The following PCSK1 variants were observed in gnomAD, a reference collection of about 807,000 sequenced individuals.
The protein encoded by PCSK1 is neuroendocrine convertase 1.
PCSK1 carries 56 observed loss-of-function variants against 90.6 expected under a neutral mutation model. The ratio of observed to expected loss-of-function variants is 0.62; its 90% CI spans 0.50 to 0.77. The LOEUF is 0.77. Ranked by LOEUF, PCSK1 falls within the 30% of genes least tolerant of loss-of-function variation. PCSK1 has a pLI of 0.00. For missense variants in PCSK1, 801 were observed against 932.6 expected (o/e 0.86, Z 1.84); for synonymous variants, 348 against 342.4 (o/e 1.02, Z -0.18).
chr5:96,425,064 GAAA>G (rs1561376518), intron 3 of PCSK1, among the ~76,000 whole-genome samples: 28 of 137,664 alleles, frequency 2.0e-4, no homozygotes, highest in Admixed American at 1.1e-3. Flanking sequence ...AAGAAAGAAA[GAAA>G]GAAAGAAAAC....
intron 3 of PCSK1, among the ~76,000 whole-genome samples, chr5:96,424,163 G>T (rs1296292658): frequency 6.6e-6 from 1 of 152,182 alleles, no homozygotes; most frequent in Non-Finnish European, 1.5e-5. Flanking sequence ...GTAAAAGAAT[G>T]CCAGGTACCC....
chr5:96,398,428 T>C (rs1257376238), intron 11 of PCSK1, among the ~76,000 whole-genome samples: 1 of 152,238 alleles, frequency 6.6e-6, no homozygotes, highest in Non-Finnish European at 1.5e-5. Context: ...AAAATGGCCT[T>C]ATTCATGTTA....
At position 96,391,027 on chromosome 5, in the gene PCSK1, C is replaced by T. The variant is rs1759919638; in HGVS notation, c.*1974G>A. 6.6e-6 allele frequency: 1 copy of T among 152,474 alleles called. No individual in the cohort carries two copies. Among genetic ancestry groups the T allele is most frequent in the Admixed American group, 6.5e-5 (1 of 15,268 alleles). The allele number at this position is 152,474 out of a possible 1,614,324, so 9.4% of individuals were successfully genotyped here. A position where few individuals can be genotyped will look rare whatever the true frequency, so the allele number is the denominator to read the frequency against. The stretch of plus-strand genomic sequence containing the variant: ...AGTTTTCATTCTAACTCTTTATTGG[C>T]CTTTCCGGGCCAATCTAAGAATTCT... On this transcript the variant is annotated 3_prime_UTR_variant, in exon 14 of 14. Transcript: ENST00000311106.
At chr5:96,425,041 AAAGAAAGAAAGAAAG>A (rs1561376370) in intron 3 of PCSK1, among the ~76,000 whole-genome samples, 2 of 143,342 alleles carry the variant, frequency 1.4e-5, no homozygotes, top group East Asian at 3.9e-4. Context: ...AGAAAGAAAG[AAAGAAAGAAAGAAAG>A]AAAGAAAGAA....
intron 12 of PCSK1, among the ~76,000 whole-genome samples, chr5:96,396,640 A>C (rs569029468): frequency 4.6e-5 from 7 of 152,314 alleles, no homozygotes; most frequent in Admixed American, 6.5e-5. Flanking sequence ...AGAAGAACTC[A>C]GAGCCAAAAC....
Position 96,393,084 on chromosome 5 carries a change from C to T in PCSK1, c.2179G>A (p.Val727Ile), listed in dbSNP as rs770045247. ...TTGTAAGGTTTAGTGTTATAAAAAA[C>T]ATCAACATAGTCATTATACAGACTG... ...EDSLYNDYVD[V>I]FYNTKPYKHR... The change falls in exon 14 of 14, where the codon GTT becomes ATT. Residue 727 changes from valine to isoleucine, a missense_variant. Val to Ile is a conservative substitution (Grantham distance 29, BLOSUM62 3). Coordinates refer to ENST00000311106, the MANE Select transcript of PCSK1 (RefSeq NM_000439.5). 6 of 1,614,140 alleles carry T rather than the reference C, an allele frequency of 3.7e-6. No individual in the cohort carries two copies. In the Admixed American group the frequency reaches 5.0e-5, roughly 13 times the overall value.
chr5:96,432,094 A>G (rs1438275241), intron 1 of PCSK1: 33 of 1,534,392 alleles, frequency 2.2e-5, no homozygotes, highest in Non-Finnish European at 2.6e-5. Flanking sequence ...TGGCTGAAGA[A>G]CAAGAAAGAA....
In PCSK1 at chr5:96,423,361, T is replaced by A; in HGVS notation, c.495A>T (p.Val165=). 6.2e-7 allele frequency: 1 copy of A among 1,613,660 alleles called. No homozygotes were observed. Among genetic ancestry groups the A allele is most frequent in the Non-Finnish European group, 8.5e-7 (1 of 1,179,796 alleles). The part of the protein sequence containing the change: ...GITGKGVVIT[V]LDDGLEWNHT... ...GATTCCACTCCAAACCATCATCCAG[T>A]ACGGTGATAACAACTCCTTTGCCCG... is the stretch of plus-strand genomic sequence containing the variant. The change falls in exon 4 of 14, where the codon GTA becomes GTT. Residue 165 remains valine (V), a synonymous_variant. Transcript: ENST00000311106.
At chr5:96,424,404 T>G (rs1761219741) in intron 3 of PCSK1, among the ~76,000 whole-genome samples, 1 of 152,178 alleles carries the variant, frequency 6.6e-6, no homozygotes, top group South Asian at 2.1e-4. Flanking sequence ...AATTTTAGAC[T>G]GTAGTTGTTA....
rs374955423 is a variant in PCSK1 at position 96,398,906 on chromosome 5, G to C, written c.1561C>G (p.Leu521Val). The stretch of plus-strand genomic sequence containing the variant: ...GCAGCAGAAGTAAGTGTGACATGAA[G>C]GTCTCCTCTTCGGGAATATTCAATT... ...ATIEYSRRGDLHVTLTSAAGT... is the reference protein window; with the variant it reads ...ATIEYSRRGDVHVTLTSAAGT... Residue 521 changes from leucine to valine, a missense_variant, in exon 11 of 14, where the codon CTT (leucine) becomes GTT (valine). Coordinates refer to ENST00000311106, the MANE Select transcript of PCSK1 (RefSeq NM_000439.5). 1 of 1,613,676 alleles carries C rather than the reference G, an allele frequency of 6.2e-7. No homozygotes were observed. Among genetic ancestry groups the C allele is most frequent in the South Asian group, 1.1e-5 (1 of 91,060 alleles).
At chr5:96,427,001 C>T (rs1213796707) in intron 2 of PCSK1, among the ~76,000 whole-genome samples, 1 of 152,040 alleles carries the variant, frequency 6.6e-6, no homozygotes, top group African/African-American at 2.4e-5. Flanking sequence ...CTTAAAATAC[C>T]TCAATGCTTG....
intron 6 of PCSK1, among the ~76,000 whole-genome samples, chr5:96,415,108 A>T (rs147138646): frequency 6.7e-4 from 102 of 152,336 alleles, no homozygotes; most frequent in African/African-American, 2.4e-3. Flanking sequence ...TGAGGTTGGG[A>T]TAGCATAAAG....
At chr5:96,422,666 T>C (rs958177801) in intron 4 of PCSK1, among the ~76,000 whole-genome samples, 4 of 152,206 alleles carry the variant, frequency 2.6e-5, no homozygotes, top group Non-Finnish European at 5.9e-5. Flanking sequence ...TGGGGAATGT[T>C]TGATAGGTGG....
chr5:96,431,861 C>G (rs1761511544), intron 1 of PCSK1, among the ~76,000 whole-genome samples: 1 of 152,090 alleles, frequency 6.6e-6, no homozygotes, highest in Non-Finnish European at 1.5e-5. Flanking sequence ...CAATGCAGAC[C>G]AACTTCCCAA....
At chr5:96,410,744 A>G (rs1314871052) in intron 8 of PCSK1, 30 bp downstream of exon 8, 2 of 1,554,816 alleles carry the variant, frequency 1.3e-6, no homozygotes, top group South Asian at 1.1e-5. Flanking sequence ...CTCCTAACTA[A>G]GCAGAGAGAA....
chr5:96,421,790 G>A lies in PCSK1; in HGVS notation c.620+90C>T, dbSNP rs76091107. ...GTGCATTAACATTTCCTGAGCACTG[G>A]AATGTGGATGAAATATATGGTATAA... On this transcript the variant is annotated intron_variant, in intron 5 of 13. Coordinates refer to ENST00000311106, the MANE Select transcript of PCSK1 (RefSeq NM_000439.5). The A allele has an allele frequency of 7.1e-3, 5,766 of 815,002 alleles. 228 individuals are homozygous for A. In the African/African-American group the frequency reaches 0.086, roughly 12 times the overall value. 50.5% of individuals were successfully genotyped at this position (815,002 alleles called of 1,614,324 possible). A position where few individuals can be genotyped will look rare whatever the true frequency, so the allele number is the denominator to read the frequency against.
chr5:96,432,850 T>G lies in PCSK1; in HGVS notation c.180+13A>C. ...GGGGCCCCAGAAAGTTTCTTGAAAGTGGAAACTCTTACCTGACCCAAAAGG... is the reference window on the plus strand; with the variant it reads ...GGGGCCCCAGAAAGTTTCTTGAAAGGGGAAACTCTTACCTGACCCAAAAGG... On this transcript the variant is annotated intron_variant, in intron 1 of 13. Transcript: ENST00000311106. The G allele has an allele frequency of 6.2e-7, 1 of 1,611,716 alleles. No individual in the cohort carries two copies. The highest frequency in any genetic ancestry group is 8.5e-7 in the Non-Finnish European group (1 of 1,178,942).
chr5:96,396,454 G>A lies in PCSK1; in HGVS notation c.1722+882C>T, dbSNP rs149601671. On this transcript the variant is annotated intron_variant, in intron 12 of 13. Transcript: ENST00000311106. ...TGGGTACCTGTAATTCCAGCTAGTC[G>A]GGAGGCTGAGGCAGGAGAAGCGCTT... 8.6e-3 allele frequency among the ~76,000 whole-genome samples: 1,307 copies of A among 151,858 alleles called. 24 individuals carry two copies. The highest frequency in any genetic ancestry group is 0.029 in the African/African-American group (1,216 of 41,368).
intron 11 of PCSK1, 22 bp from the exon 12 acceptor site, chr5:96,397,491 A>G: frequency 1.2e-6 from 2 of 1,606,454 alleles, no homozygotes; most frequent in Middle Eastern, 1.7e-4. Context: ...ATACAAGTTA[A>G]TGAATGTCCT....
Sources: allele counts gnomAD v4.1 joint callset (sites outside exome capture counted in the v4.1 genomes callset), GRCh38; gene constraint gnomAD v4.1.1; transcripts MANE v1.5; gene names NCBI Gene and HGNC (gene_info 2026-07-23, HGNC 2026-07-21).